The following PHEX variants were observed in gnomAD, a reference collection of about 807,000 sequenced individuals.
PHEX encodes the protein phosphate-regulating neutral endopeptidase PHEX.
Under a neutral mutation model 68.0 loss-of-function variants are expected in PHEX, and 16 were observed. The ratio of observed to expected loss-of-function variants is 0.24; its 90% CI spans 0.16 to 0.36. PHEX has a LOEUF of 0.36. PHEX is among the 10% of genes least tolerant of loss of function. The pLI is 1.00. For missense variants in PHEX, 480 were observed against 575.5 expected, an observed-to-expected ratio of 0.83 and a Z score of 1.70; for synonymous variants, 208 against 205.1, an observed-to-expected ratio of 1.01 and a Z score of -0.12.
intron 14 of PHEX, among the ~76,000 whole-genome samples, chrX:22,182,954 T>C (rs926559196): frequency 3.2e-4 from 36 of 112,149 alleles, no homozygotes; most frequent in African/African-American, 9.4e-4. Flanking sequence ...CTTGATGAAT[T>C]CCCAGATTCC....
At chrX:22,194,566 ATACTT>A (rs1934302750) in intron 15 of PHEX, among the ~76,000 whole-genome samples, 1 of 112,707 alleles carries the variant, frequency 8.9e-6, no homozygotes, top group African/African-American at 3.2e-5. Flanking sequence ...AGATGTAACT[ATACTT>A]AGTAACGTGA....
At chrX:22,172,134 G>T (rs1036045084) in intron 13 of PHEX, 5 of 112,148 alleles carry the variant, frequency 4.5e-5, no homozygotes, top group African/African-American at 1.6e-4. Flanking sequence ...TTTTTGAAAA[G>T]AACAGGAAGA....
chrX:22,206,640 A>G (rs760118617), intron 15 of PHEX, among the ~76,000 whole-genome samples: 36 of 111,371 alleles, frequency 3.2e-4, no homozygotes, highest in African/African-American at 1.2e-3. Flanking sequence ...ATCTTAGCCT[A>G]CATACCTGAA....
intron 2 of PHEX, among the ~76,000 whole-genome samples, chrX:22,040,430 A>C (rs1344111255): frequency 8.9e-6 from 1 of 111,858 alleles, no homozygotes; most frequent in East Asian, 2.8e-4. Flanking sequence ...CTGGAGTTGG[A>C]GGCCAGCCTG....
At position 22,032,689 on chromosome X, in the gene PHEX, A is replaced by G. The variant is rs371226416; in HGVS notation, c.-317A>G. On this transcript the variant is annotated 5_prime_UTR_variant, in exon 1 of 22. In the 5' UTR this introduces an upstream ATG that the reference lacks. Coordinates refer to ENST00000379374, the MANE Select transcript of PHEX (RefSeq NM_000444.6). ...TCTGTTCAGCAACATAGTAAAACATATATACTCGGAACGCTTGAGAGAAGA... is the reference window on the plus strand; with the variant it reads ...TCTGTTCAGCAACATAGTAAAACATGTATACTCGGAACGCTTGAGAGAAGA... 3.5e-4 allele frequency: 100 copies of G among 286,487 alleles called. No individual in the cohort carries two copies. The highest frequency in any genetic ancestry group is 2.7e-3 in the African/African-American group (98 of 36,758). 23.6% of individuals were successfully genotyped at this position (286,487 alleles called of 1,213,427 possible). A position where few individuals can be genotyped will look rare whatever the true frequency, so the allele number is the denominator to read the frequency against.
Position 22,168,395 on chromosome X carries a change from T to C in PHEX, c.1482+6T>C. The C allele has an allele frequency of 8.9e-7, 1 of 1,124,644 alleles. No homozygotes were observed. The highest frequency in any genetic ancestry group is 1.2e-6 in the Non-Finnish European group (1 of 816,237). 92.7% of individuals were successfully genotyped at this position (1,124,644 alleles called of 1,213,427 possible). A position where few individuals can be genotyped will look rare whatever the true frequency, so the allele number is the denominator to read the frequency against. ...TTAATGAAGACCTCAAAGCTGTAAGTGCTAAATTTACTGTACTTTTTTTTT... is the reference window on the plus strand; with the variant it reads ...TTAATGAAGACCTCAAAGCTGTAAGCGCTAAATTTACTGTACTTTTTTTTT... On this transcript the variant is annotated splice_donor_region_variant and intron_variant, in intron 13 of 21. Transcript: ENST00000379374.
intron 3 of PHEX, among the ~76,000 whole-genome samples, chrX:22,063,965 T>C (rs751525017): frequency 8.9e-6 from 1 of 112,453 alleles, no homozygotes; most frequent in South Asian, 3.7e-4. Context: ...TTCCACAGCC[T>C]TACCAAAATG....
chrX:22,060,736 T>C (rs1408166396), intron 3 of PHEX, among the ~76,000 whole-genome samples: 1 of 111,509 alleles, frequency 9.0e-6, no homozygotes, highest in African/African-American at 3.3e-5. Flanking sequence ...AAATTTAGGT[T>C]CCTTTGACTA....
At chrX:22,229,426 T>A (rs1602415064) in intron 20 of PHEX, among the ~76,000 whole-genome samples, 1 of 112,212 alleles carries the variant, frequency 8.9e-6, no homozygotes, top group East Asian at 2.8e-4. Context: ...TTTTTAATGA[T>A]CACCATTCTA....
chrX:22,097,465 A>G (rs772692872), intron 8 of PHEX, among the ~76,000 whole-genome samples: 29 of 111,957 alleles, frequency 2.6e-4, no homozygotes, highest in Non-Finnish European at 1.3e-4. Context: ...CAGAGCAGGA[A>G]GAAGGTGAAA....
chrX:22,193,784 C>T (rs1303903358), intron 15 of PHEX, among the ~76,000 whole-genome samples: 1 of 112,102 alleles, frequency 8.9e-6, no homozygotes, highest in East Asian at 2.8e-4. Flanking sequence ...TGAGGGTATA[C>T]ATCCAGGAGT....
intron 14 of PHEX, among the ~76,000 whole-genome samples, chrX:22,184,963 T>C (rs1298869289): frequency 8.9e-6 from 1 of 112,498 alleles, no homozygotes; most frequent in Admixed American, 9.4e-5. Flanking sequence ...TTCCATTCCA[T>C]ATTCCCTAGA....
At chrX:22,041,265 C>CTCTCTCTCTCTCTCTATATATA (rs1468778300) in intron 2 of PHEX, among the ~76,000 whole-genome samples, 2 of 72,825 alleles carry the variant, frequency 2.7e-5, no homozygotes, top group African/African-American at 1.3e-4. Flanking sequence ...CTCTCTCTCT[C>CTCTCTCTCTCTCTCTATATATA]TATATATATA....
intron 7 of PHEX, among the ~76,000 whole-genome samples, chrX:22,094,646 A>G (rs192476489): frequency 8.9e-6 from 1 of 112,071 alleles, no homozygotes; most frequent in South Asian, 3.7e-4. Flanking sequence ...CCTTTCTGGT[A>G]TTACTTTGTA....
intron 15 of PHEX, among the ~76,000 whole-genome samples, chrX:22,206,928 T>C (rs1391748871): frequency 8.9e-6 from 1 of 112,130 alleles, no homozygotes; most frequent in African/African-American, 3.2e-5. Context: ...CATTTAACTT[T>C]TCTGGGAAAG....
At chrX:22,226,277 TGC>T (rs1473726025) in intron 18 of PHEX, among the ~76,000 whole-genome samples, 164 bp from the exon 19 acceptor site, 1 of 108,455 alleles carries the variant, frequency 9.2e-6, no homozygotes, top group Non-Finnish European at 1.9e-5. Flanking sequence ...GAGGATAGTT[TGC>T]CATCTTTCTT....
rs187739821 is a variant in PHEX at position 22,203,744 on chromosome X, A to G, written c.1646-9160A>G. 1.2e-4 allele frequency among the ~76,000 whole-genome samples: 13 copies of G among 111,824 alleles called. No individual in the cohort carries two copies. The East Asian group carries it at 3.6e-3, about 31-fold the overall frequency. On this transcript the variant is annotated intron_variant, in intron 15 of 21. Transcript: ENST00000379374. ...GCAATTTAAACTCTTTTTGTTCTTT[A>G]CTACAGTCAATAATGTATAAGGCAT...
In PHEX at chrX:22,047,223, C is replaced by T. The variant is rs1927585433; in HGVS notation, c.349+12C>T. On this transcript the variant is annotated intron_variant, in intron 3 of 21. Coordinates refer to ENST00000379374, the MANE Select transcript of PHEX (RefSeq NM_000444.6). ...CCTCAAGTTGAAGGGTAAGTTTCTA[C>T]TGGGGTTTGGTGATACACTTTATAG... 2.5e-6 allele frequency: 3 copies of T among 1,189,777 alleles called. No individual in the cohort carries two copies. The highest frequency in any genetic ancestry group is 4.4e-5 in the Admixed American group (2 of 45,646).
chrX:22,105,231 G>T (rs1347914905), intron 9 of PHEX, among the ~76,000 whole-genome samples: 2 of 112,396 alleles, frequency 1.8e-5, no homozygotes, highest in South Asian at 3.7e-4. Context: ...ATCCCCAGGG[G>T]ACTCATATAT....
Sources: gnomAD v4.1 joint callset for allele counts (sites outside exome capture counted in the v4.1 genomes callset) on GRCh38, gnomAD v4.1.1 for gene constraint, MANE v1.5 for transcripts, NCBI Gene and HGNC (gene_info 2026-07-23, HGNC 2026-07-21) for gene names.